The following TENM4 variants were observed in gnomAD, a reference collection of about 807,000 sequenced individuals.
TENM4 encodes the protein teneurin transmembrane protein 4.
TENM4 carries 82 observed loss-of-function variants against 243.3 expected under a neutral mutation model. That is an observed-to-expected ratio of 0.34 (90% confidence interval 0.28 to 0.40). The LOEUF (loss-of-function observed/expected upper bound fraction) is 0.40, where lower values mean the gene tolerates loss of function less well. Among genes scored for constraint, TENM4 ranks in the 10% least tolerant of loss-of-function variants. The pLI, the probability that TENM4 is intolerant of heterozygous loss-of-function variation, is 1.00. For synonymous variants in TENM4, 1,412 were observed against 1,456.3 expected (o/e 0.97, Z 0.69); for missense variants, 3,138 against 3,673.3 (o/e 0.85, Z 3.77).
At chr11:78,778,449 A>C (rs1188430385) in intron 17 of TENM4, among the ~76,000 whole-genome samples, 153 bp downstream of exon 17, 3 of 152,210 alleles carry the variant, frequency 2.0e-5, no homozygotes, top group Non-Finnish European at 1.5e-5. Context: ...CCCTTTGGGC[A>C]ATGGATGCTG....
rs1273011065 is a variant in TENM4, at chr11:78,903,488, G to C, written c.529C>G (p.Arg177Gly). The change falls in exon 7 of 34, where the codon CGG (arginine) becomes GGG (glycine). Residue 177 changes from arginine (R) to glycine (G), a missense_variant. Arg to Gly is a moderately radical substitution (Grantham distance 125, BLOSUM62 -2). Coordinates refer to ENST00000278550, the MANE Select transcript of TENM4 (RefSeq NM_001098816.3). ...PGGLQNHARL[R>G]TPPPPLSHAH... is the part of the protein sequence containing the mutation. ...TGCGAGAGCGGCGGCGGCGGCGTCC[G>C]GAGCCGCGCGTGGTTCTGCAGGCCG... 1.2e-5 allele frequency: 18 copies of C among 1,547,116 alleles called. No individual in the cohort carries two copies. Among genetic ancestry groups the C allele is most frequent in the Non-Finnish European group, 1.5e-5 (17 of 1,146,146 alleles).
At chr11:79,149,487 T>C (rs1185783001) in intron 3 of TENM4, among the ~76,000 whole-genome samples, 1 of 152,196 alleles carries the variant, frequency 6.6e-6, no homozygotes, top group Non-Finnish European at 1.5e-5. Context: ...ATTTCTGTTA[T>C]CATTTCTTTT....
In TENM4 at chr11:79,404,608, G is replaced by GA. The variant is rs1399545811; in HGVS notation, c.-321+35900_-321+35901insT. Among the ~76,000 whole-genome samples the GA allele has an allele frequency of 3.3e-5, 5 of 152,296 alleles. 1 individual carries two copies. Among genetic ancestry groups the GA allele is most frequent in the African/African-American group, 1.2e-4 (5 of 41,550 alleles). ...TAGAATGACTAGTGGTTAACTTTAT[G>GA]TTCTGTGAATTTTACCTCATTTTTT... On this transcript the variant is annotated intron_variant, in intron 1 of 33. Coordinates refer to ENST00000278550, the MANE Select transcript of TENM4 (RefSeq NM_001098816.3).
At chr11:78,984,020 G>T (rs604056) in intron 6 of TENM4, among the ~76,000 whole-genome samples, 45,417 of 152,058 alleles carry the variant, frequency 0.3, 7,606 homozygotes, top group Middle Eastern at 0.38. Context: ...GAGGAGGAGT[G>T]GGAGGCAGGC....
At position 78,732,562 on chromosome 11, in the gene TENM4, T is replaced by A. The variant is rs763145096; in HGVS notation, c.2892A>T (p.Thr964=). Residue 964 remains threonine (T), a synonymous_variant, in exon 21 of 34, where the codon ACA becomes ACT. Transcript: ENST00000278550. ...SRQDGSFDLV[T]NGGISIILRF... is the part of the protein sequence containing the mutation. ...GCAGGATGATGGAGATGCCGCCATT[T>A]GTCACCAAGTCAAAGCTGTTTGGGA... 1.1e-5 allele frequency: 17 copies of A among 1,603,682 alleles called. No individual in the cohort carries two copies. Among genetic ancestry groups the A allele is most frequent in the Non-Finnish European group, 1.4e-5 (17 of 1,172,468 alleles).
intron 1 of TENM4, among the ~76,000 whole-genome samples, chr11:79,387,497 G>T (rs977236906): frequency 6.6e-6 from 1 of 152,214 alleles, no homozygotes; most frequent in South Asian, 2.1e-4. Context: ...TTCCTCTTCT[G>T]TAATAGTTGG....
At chr11:79,347,928 C>T (rs1265294779) in intron 1 of TENM4, among the ~76,000 whole-genome samples, 3 of 151,752 alleles carry the variant, frequency 2.0e-5, no homozygotes, top group East Asian at 1.9e-4. Context: ...TACAGGCGCC[C>T]GCCACCGCGC....
intron 3 of TENM4, among the ~76,000 whole-genome samples, chr11:79,173,418 C>A (rs1011519711): frequency 1.3e-5 from 2 of 151,894 alleles, no homozygotes; most frequent in African/African-American, 4.8e-5. Flanking sequence ...CAGTTGGCAA[C>A]TTTTTTTTAT....
chr11:79,263,497 C>T (rs1160141298), intron 2 of TENM4, among the ~76,000 whole-genome samples: 3 of 152,146 alleles, frequency 2.0e-5, no homozygotes, highest in Non-Finnish European at 4.4e-5. Flanking sequence ...AAAAGTGAGA[C>T]GTGCACTCTA....
chr11:79,241,528 G>A (rs895730734), intron 2 of TENM4, among the ~76,000 whole-genome samples: 1 of 152,206 alleles, frequency 6.6e-6, no homozygotes, highest in Non-Finnish European at 1.5e-5. Context: ...GCAGAAGGAA[G>A]AATGTTTGAG....
At chr11:79,050,474 G>A (rs1859765645) in intron 6 of TENM4, among the ~76,000 whole-genome samples, 1 of 152,130 alleles carries the variant, frequency 6.6e-6, no homozygotes, top group Non-Finnish European at 1.5e-5. Flanking sequence ...TTCTGACTTA[G>A]CCCATTTGGT....
At chr11:79,291,458 G>A (rs1308377993) in intron 2 of TENM4, among the ~76,000 whole-genome samples, 3 of 152,110 alleles carry the variant, frequency 2.0e-5, no homozygotes, top group Non-Finnish European at 4.4e-5. Context: ...GGGGGGGTGT[G>A]CCAGCCAAAC....
chr11:79,158,752 T>C lies in TENM4; in HGVS notation c.-162-9946A>G, dbSNP rs1862677966. Among the ~76,000 whole-genome samples, 3 of 152,198 alleles carry C rather than the reference T, an allele frequency of 2.0e-5. No homozygotes were observed. In the South Asian group the frequency reaches 6.2e-4, roughly 32 times the overall value. On this transcript the variant is annotated intron_variant, in intron 3 of 33. Transcript: ENST00000278550. ...AGAGAAGGTATCTGAGGCTTAGGGATGTTGAATAATTTGCACAGGATCATA... is the reference window on the plus strand; with the variant it reads ...AGAGAAGGTATCTGAGGCTTAGGGACGTTGAATAATTTGCACAGGATCATA...
chr11:79,300,921 A>G (rs907611669), intron 1 of TENM4, among the ~76,000 whole-genome samples: 9 of 152,156 alleles, frequency 5.9e-5, no homozygotes, highest in Non-Finnish European at 1.3e-4. Context: ...ATCTGGGTAC[A>G]TGTTTTGACA....
chr11:79,353,509 C>T (rs1347297810), intron 1 of TENM4, among the ~76,000 whole-genome samples: 1 of 152,156 alleles, frequency 6.6e-6, no homozygotes, highest in Non-Finnish European at 1.5e-5. Context: ...GCTTAGACTT[C>T]CTAAGCCTCA....
At chr11:78,711,208 C>A (rs973931479) in intron 26 of TENM4, among the ~76,000 whole-genome samples, 6 of 152,158 alleles carry the variant, frequency 3.9e-5, no homozygotes, top group African/African-American at 1.4e-4. Flanking sequence ...ACCTGACACT[C>A]CAGGTATGTG....
intron 3 of TENM4, among the ~76,000 whole-genome samples, chr11:79,192,808 G>A (rs1263532063): frequency 6.6e-6 from 1 of 152,022 alleles, no homozygotes; most frequent in Non-Finnish European, 1.5e-5. Context: ...AGTATCTTGA[G>A]CATATTAGAA....
chr11:79,187,219 ATAGAG>A (rs1362631645), intron 3 of TENM4, among the ~76,000 whole-genome samples: 3 of 152,202 alleles, frequency 2.0e-5, no homozygotes, highest in Non-Finnish European at 4.4e-5. Flanking sequence ...CGGGTTCAAG[ATAGAG>A]TAGTTACAAT....
chr11:79,374,372 C>T (rs1434983326), intron 1 of TENM4, among the ~76,000 whole-genome samples: 2 of 152,090 alleles, frequency 1.3e-5, no homozygotes, highest in African/African-American at 2.4e-5. Flanking sequence ...CACACCCACA[C>T]ATCGACATAG....
Sources: gnomAD v4.1 joint callset for allele counts (sites outside exome capture counted in the v4.1 genomes callset) on GRCh38, gnomAD v4.1.1 for gene constraint, MANE v1.5 for transcripts, NCBI Gene and HGNC (gene_info 2026-07-23, HGNC 2026-07-21) for gene names.